The following HPSE2 variants were observed in gnomAD, a reference collection of about 807,000 sequenced individuals.
HPSE2 encodes the protein inactive heparanase-2.
A neutral mutation model predicts 60.5 loss-of-function variants in HPSE2; 38 were observed. That is an observed-to-expected ratio of 0.63 (90% CI 0.48 to 0.82). HPSE2 has a LOEUF of 0.82. Ranked by LOEUF, HPSE2 falls within the 40% of genes least tolerant of loss-of-function variation. HPSE2 has a pLI of 0.00. For missense variants in HPSE2, 713 were observed against 740.4 expected, an observed-to-expected ratio of 0.96 and a Z score of 0.43; for synonymous variants, 295 against 293.2, an observed-to-expected ratio of 1.01 and a Z score of -0.06.
chr10:99,032,460 T>G (rs1003747253), intron 3 of HPSE2, among the ~76,000 whole-genome samples: 3 of 152,124 alleles, frequency 2.0e-5, no homozygotes, highest in Middle Eastern at 3.2e-3. Context: ...CCCCACTTAC[T>G]CCCTGCCCCA....
chr10:98,882,687 TTCTAC>T (rs1953057252), intron 3 of HPSE2, among the ~76,000 whole-genome samples: 1 of 152,102 alleles, frequency 6.6e-6, no homozygotes, highest in South Asian at 2.1e-4. Context: ...GGAAAGTATG[TTCTAC>T]TCACAGTGGC....
At chr10:98,943,256 A>G in intron 3 of HPSE2, among the ~76,000 whole-genome samples, 1 of 151,614 alleles carries the variant, frequency 6.6e-6, no homozygotes, top group South Asian at 2.1e-4. Flanking sequence ...AAATTATAAT[A>G]AAAAAATAAA....
chr10:98,644,287 A>G (rs1946709944), intron 6 of HPSE2, among the ~76,000 whole-genome samples: 1 of 152,026 alleles, frequency 6.6e-6, no homozygotes, highest in Non-Finnish European at 1.5e-5. Flanking sequence ...CTATTCAATA[A>G]CCAGATCTAC....
intron 6 of HPSE2, among the ~76,000 whole-genome samples, chr10:98,650,621 G>A (rs1192419848): frequency 2.0e-5 from 3 of 152,078 alleles, no homozygotes; most frequent in Admixed American, 6.6e-5. Context: ...GTTGATGAGG[G>A]GAGATATTAT....
intron 9 of HPSE2, among the ~76,000 whole-genome samples, chr10:98,606,328 C>T (rs1444886204): frequency 6.6e-6 from 1 of 152,210 alleles, no homozygotes; most frequent in East Asian, 1.9e-4. Flanking sequence ...ATACAGTTCT[C>T]AATTCTGGCT....
chr10:99,008,471 T>C lies in HPSE2; in HGVS notation c.610+135767A>G, dbSNP rs142477191. 6.9e-4 allele frequency among the ~76,000 whole-genome samples: 105 copies of C among 152,312 alleles called. 1 individual carries two copies. The highest frequency in any genetic ancestry group is 2.5e-3 in the African/African-American group (102 of 41,580). ...AGAAGTCAATTAGCTTGTAGGCTTG[T>C]TTCTAGACAAAGGACATGAAAATAC... On this transcript the variant is annotated intron_variant, in intron 3 of 11. Transcript: ENST00000370552.
chr10:98,717,261 A>G (rs182322386), intron 5 of HPSE2, among the ~76,000 whole-genome samples: 2 of 152,186 alleles, frequency 1.3e-5, no homozygotes, highest in Non-Finnish European at 1.5e-5. Context: ...TTGATCTTCT[A>G]TCTAGATCAC....
chr10:99,214,667 T>C (rs1849060108), intron 2 of HPSE2, among the ~76,000 whole-genome samples: 1 of 151,842 alleles, frequency 6.6e-6, no homozygotes, highest in Non-Finnish European at 1.5e-5. Context: ...ACCTACCGTA[T>C]GGGGGAAAAA....
chr10:99,065,080 C>G (rs1320171225), intron 3 of HPSE2, among the ~76,000 whole-genome samples: 2 of 152,130 alleles, frequency 1.3e-5, no homozygotes, highest in Admixed American at 6.6e-5. Context: ...CTTTTTATAT[C>G]TTCCCATTTT....
chr10:99,296,252 G>A, the HPSE2 span, among the ~76,000 whole-genome samples: 32 of 152,182 alleles, frequency 2.1e-4, no homozygotes, highest in Non-Finnish European at 3.2e-4. Flanking sequence ...GGCTGGATAT[G>A]AGATAGGAGG....
chr10:98,580,195 A>AT (rs551959721), intron 9 of HPSE2, among the ~76,000 whole-genome samples: 2 of 152,038 alleles, frequency 1.3e-5, no homozygotes, highest in South Asian at 4.2e-4. Flanking sequence ...GGTTTTTAAA[A>AT]TTTTTTTCAG....
At chr10:98,542,306 T>A (rs1428597304) in intron 9 of HPSE2, among the ~76,000 whole-genome samples, 1 of 151,410 alleles carries the variant, frequency 6.6e-6, no homozygotes, top group South Asian at 2.1e-4. Context: ...AGAAAGGACA[T>A]CCACACCAAA....
intron 3 of HPSE2, among the ~76,000 whole-genome samples, chr10:98,872,240 G>A (rs992614061): frequency 6.6e-6 from 1 of 151,950 alleles, no homozygotes; most frequent in African/African-American, 2.4e-5. Context: ...TAAAAGGAAC[G>A]GAACACAAGG....
At chr10:99,188,104 T>C (rs1848094376) in intron 2 of HPSE2, among the ~76,000 whole-genome samples, 1 of 152,176 alleles carries the variant, frequency 6.6e-6, no homozygotes, top group South Asian at 2.1e-4. Context: ...CGATGGGTCC[T>C]CCAATCCCCT....
At chr10:98,710,633 T>A (rs1292223512) in intron 5 of HPSE2, among the ~76,000 whole-genome samples, 1 of 152,158 alleles carries the variant, frequency 6.6e-6, no homozygotes, top group Non-Finnish European at 1.5e-5. Flanking sequence ...GTAAGCAGAT[T>A]ATCTATTTTA....
chr10:98,661,083 C>T (rs1207424507), intron 6 of HPSE2, among the ~76,000 whole-genome samples: 2 of 152,030 alleles, frequency 1.3e-5, no homozygotes, highest in Admixed American at 1.3e-4. Flanking sequence ...GGTGTATGAG[C>T]CTGTTTGGCA....
At chr10:98,486,568 T>A (rs550091280) in intron 10 of HPSE2, among the ~76,000 whole-genome samples, 1 of 152,130 alleles carries the variant, frequency 6.6e-6, no homozygotes, top group Non-Finnish European at 1.5e-5. Context: ...GAGGCTGGAA[T>A]TGGAATATCC....
At chr10:98,962,501 T>C (rs1426236092) in intron 3 of HPSE2, among the ~76,000 whole-genome samples, 16 of 151,970 alleles carry the variant, frequency 1.1e-4, no homozygotes, top group Non-Finnish European at 1.6e-4. Flanking sequence ...ACTGGAAGCA[T>C]TCCCTTTGAA....
In HPSE2 at chr10:99,158,059, T is replaced by C. The variant is rs1470999575; in HGVS notation, c.449-13660A>G. Among the ~76,000 whole-genome samples the C allele has an allele frequency of 6.3e-5, 9 of 143,582 alleles. No individual in the cohort carries two copies. In the East Asian group the frequency reaches 1.7e-3, roughly 27 times the overall value. 94.2% of individuals were successfully genotyped at this position (143,582 alleles called of 152,430 possible). On this transcript the variant is annotated intron_variant, in intron 2 of 11. Transcript: ENST00000370552. The stretch of plus-strand genomic sequence containing the variant: ...AAATCAAAACCACAATGAGATACCA[T>C]CTCACACCAGTTAGAATGGCAATCA...
Sources: allele counts gnomAD v4.1 joint callset (sites outside exome capture counted in the v4.1 genomes callset), GRCh38; gene constraint gnomAD v4.1.1; transcripts MANE v1.5; gene names NCBI Gene and HGNC (gene_info 2026-07-23, HGNC 2026-07-21).